Variants in CFAP46 observed in about 807,000 individuals in gnomAD.
CFAP46 encodes the protein cilia- and flagella-associated protein 46.
CFAP46 carries 245 observed loss-of-function variants against 325.7 expected under a neutral mutation model. The ratio of observed to expected loss-of-function variants is 0.75; its 90% CI spans 0.68 to 0.84. The LOEUF (loss-of-function observed/expected upper bound fraction) is 0.84, where lower values mean the gene tolerates loss of function less well. Among genes scored for constraint, CFAP46 ranks in the 40% least tolerant of loss-of-function variants. The probability of loss-of-function intolerance (pLI) is 0.00; values close to 1 mark genes in which losing one functional copy is unlikely to be tolerated. For missense variants in CFAP46, 3,346 were observed against 3,543.0 expected, an observed-to-expected ratio of 0.94 and a Z score of 1.41; for synonymous variants, 1,523 against 1,495.9, an observed-to-expected ratio of 1.02 and a Z score of -0.42.
rs903201635 is a variant in CFAP46 at position 132,884,581 on chromosome 10, C to CA, written c.3627+521dup. Among the ~76,000 whole-genome samples the CA allele has an allele frequency of 5.3e-5, 8 of 152,138 alleles. No homozygotes were observed. Among genetic ancestry groups the CA allele is most frequent in the Admixed American group, 5.2e-4 (8 of 15,288 alleles). On this transcript the variant is annotated intron_variant, in intron 27 of 57. Coordinates refer to ENST00000368586, the MANE Select transcript of CFAP46 (RefSeq NM_001200049.3). This position sits in a 1 kb window ranked among gnomAD's most constrained non-coding sequence, Gnocchi z 5.4. The stretch of plus-strand genomic sequence containing the variant: ...CCTTGCCCCTGACAAGCAGAGGCAT[C>CA]AAATCAACGCCAAAGCACCCACCTC...
In CFAP46 at chr10:132,889,039, G is replaced by A. The variant is rs1346628300; in HGVS notation, c.3305-3080C>T. Among the ~76,000 whole-genome samples, 1 of 152,174 alleles carries A rather than the reference G, an allele frequency of 6.6e-6. No homozygotes were observed. The highest frequency in any genetic ancestry group is 2.4e-5 in the African/African-American group (1 of 41,440). On this transcript the variant is annotated intron_variant, in intron 25 of 57. Coordinates refer to ENST00000368586, the MANE Select transcript of CFAP46 (RefSeq NM_001200049.3). The surrounding 1 kb of genome is among the most constrained non-coding windows in gnomAD (Gnocchi z 6.0). Reference sequence around the variant, plus strand: ...GCCCCTCACGCCCTTTCTCTTTTCAGAAGTCTGGTGCTTTTCTGTAATTTT... The same window carrying A: ...GCCCCTCACGCCCTTTCTCTTTTCAAAAGTCTGGTGCTTTTCTGTAATTTT...
At position 132,908,494 on chromosome 10, in the gene CFAP46, G is replaced by A. The variant is rs1254177721; in HGVS notation, c.2898C>T (p.Gly966=). The A allele has an allele frequency of 6.4e-7, 1 of 1,550,538 alleles. No homozygotes were observed. The highest frequency in any genetic ancestry group is 8.7e-7 in the Non-Finnish European group (1 of 1,146,992). The change falls in exon 22 of 58, where the codon GGC becomes GGT. Residue 966 remains glycine (G), a synonymous_variant. Coordinates refer to ENST00000368586, the MANE Select transcript of CFAP46 (RefSeq NM_001200049.3). The stretch of plus-strand genomic sequence containing the variant: ...GCCCAAATTTCTTCAGGTACTTGAT[G>A]CCCATCTCCAGAGCCCTGTGAGCAC... ...MACAHRALEM[G]IKYLKKFGPE...
intron 19 of CFAP46, among the ~76,000 whole-genome samples, chr10:132,910,853 G>A (rs546083718): frequency 6.6e-6 from 1 of 151,918 alleles, no homozygotes; most frequent in South Asian, 2.1e-4. Flanking sequence ...CATCCCATCG[G>A]AATGTGTTTG....
intron 46 of CFAP46, among the ~76,000 whole-genome samples, chr10:132,835,785 A>T (rs1463739878): frequency 6.6e-6 from 1 of 151,980 alleles, no homozygotes; most frequent in Non-Finnish European, 1.5e-5. Context: ...AGCTTCTGGA[A>T]GGAAAGGGCC....
rs547069701 is a variant in CFAP46 at position 132,823,882 on chromosome 10, G to A, written c.7118-8968C>T. 1.4e-3 allele frequency among the ~76,000 whole-genome samples: 198 copies of A among 146,222 alleles called. 1 individual carries two copies. Among genetic ancestry groups the A allele is most frequent in the African/African-American group, 4.2e-3 (165 of 39,074 alleles). On this transcript the variant is annotated intron_variant, in intron 50 of 57. Transcript: ENST00000368586. ...GTGTGCTGTCTGTGCGCTGATGTGC[G>A]CTGTCTGTGCGCTGTGTGCTGTGTG... is the stretch of plus-strand genomic sequence containing the variant.
chr10:132,822,410 ATGCTGTGTGTGTGGTGATGTG>A (rs1565036226), intron 50 of CFAP46, among the ~76,000 whole-genome samples: 3 of 59,338 alleles, frequency 5.1e-5, no homozygotes, highest in East Asian at 6.8e-4. Context: ...TGTGCACTGT[ATGCTGTGTGTGTGGTGATGTG>A]TGCTGTGTGT....
chr10:132,933,789 G>C (rs1476844015), intron 8 of CFAP46, among the ~76,000 whole-genome samples: 1 of 152,238 alleles, frequency 6.6e-6, no homozygotes, highest in Non-Finnish European at 1.5e-5. Flanking sequence ...GTCCCACCAG[G>C]ACCGAGGCCT....
intron 22 of CFAP46, among the ~76,000 whole-genome samples, chr10:132,904,613 G>GC (rs1190614094): frequency 1.3e-5 from 2 of 152,226 alleles, no homozygotes; most frequent in African/African-American, 4.8e-5. Flanking sequence ...AGGGCGCCCA[G>GC]CCCCCACATC....
chr10:132,854,723 G>A (rs542197281), intron 39 of CFAP46, among the ~76,000 whole-genome samples: 10 of 151,998 alleles, frequency 6.6e-5, no homozygotes, highest in South Asian at 4.1e-4. Flanking sequence ...GCACTTACAC[G>A]TTCACAACAT....
intron 44 of CFAP46, among the ~76,000 whole-genome samples, chr10:132,844,023 C>T (rs1167255414): frequency 1.0e-5 from 1 of 99,372 alleles, no homozygotes; most frequent in Admixed American, 9.6e-5. Flanking sequence ...GCTCTGGTCT[C>T]GGTGGGTGTT....
At chr10:132,826,262 C>T (rs1591038308) in intron 50 of CFAP46, among the ~76,000 whole-genome samples, 1 of 138,966 alleles carries the variant, frequency 7.2e-6, no homozygotes, top group Non-Finnish European at 1.5e-5. Flanking sequence ...AGACCAGCCA[C>T]GGAGCCAGGC....
chr10:132,834,068 C>T lies in CFAP46; in HGVS notation c.6922G>A (p.Glu2308Lys), dbSNP rs776434758. The T allele has an allele frequency of 8.1e-6, 13 of 1,613,998 alleles. No individual in the cohort carries two copies. In the Admixed American group the frequency reaches 2.2e-4, roughly 27 times the overall value. The change falls in exon 49 of 58, where the codon GAG (glutamate) becomes AAG (lysine). Residue 2308 changes from glutamate (E) to lysine (K), a missense_variant. Transcript: ENST00000368586. ...TGTTGTCCTGTGGACGTTTTCCTCT[C>T]CTTGTCTTTGCCCTTCGACTTCCCT... ...DSGKSKGKDK[E>K]RKTSTGQHST...
Position 132,862,969 on chromosome 10 carries a change from G to A in CFAP46, c.4891-1987C>T, listed in dbSNP as rs144376368. ...GTAGGAGGCCTTCAGGCAAGAGGGC[G>A]GGAAAGATCAAGGAAACAAACAACT... On this transcript the variant is annotated intron_variant, in intron 35 of 57. Transcript: ENST00000368586. 9.3e-3 allele frequency among the ~76,000 whole-genome samples: 1,410 copies of A among 152,200 alleles called. 12 individuals carry two copies. Among genetic ancestry groups the A allele is most frequent in the South Asian group, 0.044 (210 of 4,826 alleles).
At chr10:132,887,541 CT>C (rs1849169338) in intron 25 of CFAP46, among the ~76,000 whole-genome samples, 1 of 108,690 alleles carries the variant, frequency 9.2e-6, no homozygotes, top group Non-Finnish European at 2.0e-5. Flanking sequence ...CCTCTCCCCT[CT>C]TCTCTCCTCT....
intron 11 of CFAP46, 105 bp from the exon 12 acceptor site, chr10:132,922,813 C>T: frequency 1.1e-6 from 1 of 895,082 alleles, no homozygotes; most frequent in South Asian, 1.6e-5. Context: ...GAGTGTAGGG[C>T]AGGCTTGGTG....
rs148954728 is a variant in CFAP46 at position 132,884,665 on chromosome 10, C to T, written c.3627+438G>A. On this transcript the variant is annotated intron_variant, in intron 27 of 57. Coordinates refer to ENST00000368586, the MANE Select transcript of CFAP46 (RefSeq NM_001200049.3). The surrounding 1 kb of genome is among the most constrained non-coding windows in gnomAD (Gnocchi z 5.4). ...CGCCTTCCTGGGGGTGGGGAAGAGA[C>T]GCCAACATCCCCAGAACGCCCACAT... 0.013 allele frequency among the ~76,000 whole-genome samples: 1,914 copies of T among 152,238 alleles called. 39 individuals are homozygous for T. Among genetic ancestry groups the T allele is most frequent in the African/African-American group, 0.041 (1,701 of 41,538 alleles).
rs542469016 is a variant in CFAP46, at chr10:132,835,339, C to T, written c.6709G>A (p.Val2237Met). 7 of 1,613,628 alleles carry T rather than the reference C, an allele frequency of 4.3e-6. No homozygotes were observed. In the East Asian group the frequency reaches 1.6e-4, roughly 36 times the overall value. The change falls in exon 47 of 58, where the codon GTG becomes ATG. Residue 2237 changes from valine (V) to methionine (M), a missense_variant. Val to Met is a conservative substitution (Grantham distance 21). Transcript: ENST00000368586. ...QQFRKQTQAQ[V>M]YSEDMALNIG... Reference sequence around the variant, plus strand: ...TTCAGGGCCATGTCCTCACTGTACACCTGGGCCTGGGTCTGCTTCCGGAAC... The same window carrying T: ...TTCAGGGCCATGTCCTCACTGTACATCTGGGCCTGGGTCTGCTTCCGGAAC...
At chr10:132,822,636 CTG>C in intron 50 of CFAP46, among the ~76,000 whole-genome samples, 1 of 126,272 alleles carries the variant, frequency 7.9e-6, no homozygotes, top group African/African-American at 3.1e-5. Context: ...CTGATGTGTG[CTG>C]TCTGTGCGCT....
chr10:132,896,372 G>A (rs962511960), intron 24 of CFAP46, among the ~76,000 whole-genome samples: 54 of 152,366 alleles, frequency 3.5e-4, no homozygotes, highest in African/African-American at 1.2e-3. Context: ...ACCCAGCCAC[G>A]CTGGCTCCCT....
Sources: allele counts gnomAD v4.1 joint callset (sites outside exome capture counted in the v4.1 genomes callset), GRCh38; gene constraint gnomAD v4.1.1; non-coding constraint Gnocchi (gnomAD v3.1); transcripts MANE v1.5; gene names NCBI Gene and HGNC (gene_info 2026-07-23, HGNC 2026-07-21).